NTRK1: variants seen among roughly 807,000 people sequenced by gnomAD.
NTRK1 encodes the protein high affinity nerve growth factor receptor.
A neutral mutation model predicts 86.8 loss-of-function variants in NTRK1; 62 were observed. The observed-to-expected ratio is 0.71, with a 90% CI of 0.58 to 0.88. NTRK1 has a LOEUF of 0.88. Among genes scored for constraint, NTRK1 ranks in the 40% least tolerant of loss-of-function variants. NTRK1 has a pLI of 0.00. For missense variants in NTRK1, 967 were observed against 1,078.4 expected (o/e 0.90, Z 1.45); for synonymous variants, 469 against 456.6 (o/e 1.03, Z -0.35).
rs141373320 is a variant in NTRK1, at chr1:156,851,304, G to A, written c.50+9111G>A. 8.6e-4 allele frequency: 1,393 copies of A among 1,614,106 alleles called. 5 individuals are homozygous for A. The highest frequency in any genetic ancestry group is 9.9e-4 in the Non-Finnish European group (1,165 of 1,180,012). ...CTAACCCTTACCCATCCACCATGGC[G>A]TCTCCCCGGATTAGTTTGAGGTTCT... On this transcript the variant is annotated intron_variant, in intron 2 of 16. Coordinates refer to the NTRK1 transcript ENST00000392302.
At chr1:156,841,878 C>A (rs959852273) in intron 1 of NTRK1, 36 of 1,607,158 alleles carry the variant, frequency 2.2e-5, no homozygotes, top group Non-Finnish European at 3.1e-5. Flanking sequence ...CTCTCCCAAT[C>A]TTCTCATCCT....
At chr1:156,876,058 C>A (rs2102916990) in intron 12 of NTRK1, 22 bp from the exon 13 acceptor site, 1 of 1,614,162 alleles carries the variant, frequency 6.2e-7, no homozygotes, top group Non-Finnish European at 8.5e-7. Context: ...GGGCTACCGT[C>A]TGACCCTGCA....
At chr1:156,872,036 G>A (rs971215619) in intron 7 of NTRK1, among the ~76,000 whole-genome samples, 2 of 152,128 alleles carry the variant, frequency 1.3e-5, no homozygotes, top group Non-Finnish European at 2.9e-5. Flanking sequence ...CCACTGCTCC[G>A]AAGTATTTTT....
chr1:156,832,761 G>A lies in NTRK1; in HGVS notation c.-63-9320G>A, dbSNP rs146177934. Among the ~76,000 whole-genome samples the A allele has an allele frequency of 2.8e-3, 434 of 152,314 alleles. 3 individuals are homozygous for A. Among genetic ancestry groups the A allele is most frequent in the African/African-American group, 9.6e-3 (398 of 41,564 alleles). On this transcript the variant is annotated intron_variant, in intron 1 of 16. Transcript: ENST00000392302. Reference sequence around the variant, plus strand: ...TTTCAGCAGGGAAGCATCGAGATCCGAGTTTCATCATCCTCATTCCTTCAT... The same window carrying A: ...TTTCAGCAGGGAAGCATCGAGATCCAAGTTTCATCATCCTCATTCCTTCAT...
At chr1:156,819,108 T>C (rs1654113308) in intron 1 of NTRK1, among the ~76,000 whole-genome samples, 1 of 152,148 alleles carries the variant, frequency 6.6e-6, no homozygotes, top group Admixed American at 6.5e-5. Context: ...GTTCAAGTGA[T>C]TCTCCTGCCT....
chr1:156,839,424 G>A (rs1468976545), intron 1 of NTRK1, among the ~76,000 whole-genome samples: 1 of 152,266 alleles, frequency 6.6e-6, no homozygotes, highest in Non-Finnish European at 1.5e-5. Context: ...GTCAAGGTTT[G>A]AAGTCATTCT....
chr1:156,867,154 G>A (rs1350210096), intron 4 of NTRK1, among the ~76,000 whole-genome samples, 176 bp downstream of exon 4: 2 of 152,262 alleles, frequency 1.3e-5, no homozygotes, highest in African/African-American at 2.4e-5. Context: ...AGGACTACCC[G>A]TTAAGGGGGC....
Position 156,873,786 on chromosome 1 carries a change from C to T in NTRK1, c.1004C>T (p.Pro335Leu), listed in dbSNP as rs758490619. 53 of 1,612,980 alleles carry T rather than the reference C, an allele frequency of 3.3e-5. No individual in the cohort carries two copies. Among genetic ancestry groups the T allele is most frequent in the Middle Eastern group, 1.7e-4 (1 of 6,050 alleles). ...TSFIFTEFLEPAANETVRHGC... is the reference protein window; with the variant it reads ...TSFIFTEFLELAANETVRHGC... ...TTCATCTTCACTGAGTTCCTGGAGC[C>T]GGCAGCCAATGAGACCGTGCGGCAC... Residue 335 changes from proline to leucine, a missense_variant, in exon 8 of 17, where the codon CCG (proline) becomes CTG (leucine). Physicochemically the swap from Pro to Leu is moderately conservative, Grantham distance 98. Transcript: ENST00000524377.
At chr1:156,861,204 G>A (rs2102879843) in intron 1 of NTRK1, 58 bp downstream of exon 1, 1 of 1,514,928 alleles carries the variant, frequency 6.6e-7, no homozygotes, top group South Asian at 1.2e-5. Flanking sequence ...GCAGTGCCCC[G>A]AGGGCGCGGA....
At chr1:156,815,808 G>A (rs766829057) in exon 1 of NTRK1, 1 of 1,614,120 alleles carries the variant, frequency 6.2e-7, no homozygotes, top group South Asian at 1.1e-5. Context: ...AGCAGTAAGG[G>A]AGTGAGTGGG....
At chr1:156,848,425 G>A (rs1346225253) in intron 2 of NTRK1, among the ~76,000 whole-genome samples, 1 of 152,102 alleles carries the variant, frequency 6.6e-6, no homozygotes, top group Non-Finnish European at 1.5e-5. Flanking sequence ...AGTCTTTCCT[G>A]TGGTCTAACC....
At position 156,834,411 on chromosome 1, in the gene NTRK1, G is replaced by A. The variant is rs143686918; in HGVS notation, c.-63-7670G>A. Among the ~76,000 whole-genome samples the A allele has an allele frequency of 2.8e-3, 426 of 152,326 alleles. 4 individuals carry two copies. The highest frequency in any genetic ancestry group is 9.6e-3 in the African/African-American group (399 of 41,562). On this transcript the variant is annotated intron_variant, in intron 1 of 16. Coordinates refer to the NTRK1 transcript ENST00000392302. ...GCAGCTAGAAGTAGAAGGCTTAAAT[G>A]CCACAGCCTGGGGACAGGGAAGATG...
chr1:156,880,258 C>A, intron 16 of NTRK1, 101 bp downstream of exon 16: 1 of 1,344,946 alleles, frequency 7.4e-7, no homozygotes, highest in Non-Finnish European at 1.0e-6. Context: ...CCCTCTGCCA[C>A]AGCCTGTTGG....
chr1:156,872,288 C>A (rs1173737408), intron 7 of NTRK1, among the ~76,000 whole-genome samples: 1 of 152,150 alleles, frequency 6.6e-6, no homozygotes, highest in Admixed American at 6.5e-5. Context: ...GATCCCCCAC[C>A]ACCCAACACC....
chr1:156,853,593 T>G (rs186876201), intron 2 of NTRK1, among the ~76,000 whole-genome samples: 53 of 152,318 alleles, frequency 3.5e-4, no homozygotes, highest in Admixed American at 7.8e-4. Flanking sequence ...GTTACGTAAC[T>G]TTTCTGAGCC....
chr1:156,845,662 T>C (rs1449599420), intron 2 of NTRK1: 1 of 1,610,496 alleles, frequency 6.2e-7, no homozygotes, highest in Non-Finnish European at 8.5e-7. Context: ...TCAAACTTCT[T>C]CTGGAACGAG....
chr1:156,879,703 T>C (rs577920338), intron 15 of NTRK1, among the ~76,000 whole-genome samples: 1 of 152,104 alleles, frequency 6.6e-6, no homozygotes, highest in African/African-American at 2.4e-5. Flanking sequence ...TCTGACTCCC[T>C]GGTTCAAGCG....
chr1:156,821,453 CTGTGTGTGTGTGTGTGTGTG>C lies in NTRK1; in HGVS notation c.-64+5637_-64+5656del, dbSNP rs59579534. Among the ~76,000 whole-genome samples the C allele has an allele frequency of 2.2e-5, 3 of 137,940 alleles. No homozygotes were observed. The South Asian group carries it at 7.2e-4, about 33-fold the overall frequency. 90.5% of individuals were successfully genotyped at this position (137,940 alleles called of 152,430 possible). A position where few individuals can be genotyped will look rare whatever the true frequency, so the allele number is the denominator to read the frequency against. On this transcript the variant is annotated intron_variant, in intron 1 of 16. Transcript: ENST00000392302. ...CCCCTCAGAGGCCCCCTAATTTAGC[CTGTGTGTGTGTGTGTGTGTG>C]TGTGTGTGTGTGTGTGTGTGTATGT...
In NTRK1 at chr1:156,871,728, G is replaced by C. The variant is rs1647567710; in HGVS notation, c.823G>C (p.Glu275Gln). Residue 275 changes from glutamate to glutamine, a missense_variant, in exon 7 of 17, where the codon GAG (glutamate) becomes CAG (glutamine). Glu to Gln is a conservative substitution (Grantham distance 29). This residue lies in a region of NTRK1 where 637 missense variants were observed against 776.5 expected (regional missense o/e 0.82). Transcript: ENST00000524377. ...GGCAGAGAACGATGTGGGCCGGGCA[G>C]AGGTCTCTGTTCAGGTCAACGTCTC... ...CWAENDVGRAEVSVQVNVSFP... is the reference protein window; with the variant it reads ...CWAENDVGRAQVSVQVNVSFP... 1.2e-6 allele frequency: 2 copies of C among 1,614,092 alleles called. No individual in the cohort carries two copies. The highest frequency in any genetic ancestry group is 1.6e-4 in the Middle Eastern group (1 of 6,084).
Sources: gnomAD v4.1 joint callset for allele counts (sites outside exome capture counted in the v4.1 genomes callset) on GRCh38, gnomAD v4.1.1 for gene constraint, gnomAD v4.1.1 regional missense constraint, MANE v1.5 for transcripts, NCBI Gene and HGNC (gene_info 2026-07-23, HGNC 2026-07-21) for gene names.